DACH1: variants seen among roughly 807,000 people sequenced by gnomAD.
The protein encoded by DACH1 is dachshund family transcription factor 1.
Under a neutral mutation model 54.2 loss-of-function variants are expected in DACH1, and 12 were observed. The ratio of observed to expected loss-of-function variants is 0.22; its 90% confidence interval spans 0.14 to 0.36. DACH1 has a LOEUF of 0.36. DACH1 is among the 10% of genes least tolerant of loss of function. The probability of loss-of-function intolerance (pLI) is 1.00; values close to 1 mark genes in which losing one functional copy is unlikely to be tolerated. For missense variants in DACH1, 805 were observed against 929.8 expected (o/e 0.87, Z 1.75); for synonymous variants, 386 against 366.2 (o/e 1.05, Z -0.62).
At chr13:71,782,678 C>G (rs911238521) in intron 1 of DACH1, among the ~76,000 whole-genome samples, 2 of 151,980 alleles carry the variant, frequency 1.3e-5, no homozygotes, top group African/African-American at 4.8e-5. Context: ...TGCTTTTTCC[C>G]ATAGTGCGTA....
intron 3 of DACH1, among the ~76,000 whole-genome samples, chr13:71,588,698 G>A (rs1212418090): frequency 6.6e-6 from 1 of 151,952 alleles, no homozygotes; most frequent in Non-Finnish European, 1.5e-5. Flanking sequence ...AACAAAAAGT[G>A]AAATTACTGA....
intron 1 of DACH1, among the ~76,000 whole-genome samples, chr13:71,864,164 AGC>A (rs139243818): frequency 2.6e-4 from 29 of 112,416 alleles, no homozygotes; most frequent in East Asian, 1.4e-3. Flanking sequence ...CATACTTTTG[AGC>A]GCGCGCGCGC....
chr13:71,631,554 C>T (rs897310732), intron 2 of DACH1, among the ~76,000 whole-genome samples: 10 of 152,194 alleles, frequency 6.6e-5, no homozygotes, highest in African/African-American at 2.4e-4. Context: ...AAAGCTAACA[C>T]TTAGCTTCTA....
intron 3 of DACH1, among the ~76,000 whole-genome samples, chr13:71,594,197 T>G (rs1169233214): frequency 6.6e-6 from 1 of 151,612 alleles, no homozygotes; most frequent in Non-Finnish European, 1.5e-5. Flanking sequence ...AGTCTTGGGA[T>G]TCTATCTGTA....
intron 1 of DACH1, among the ~76,000 whole-genome samples, chr13:71,727,125 G>T (rs1302528444): frequency 6.6e-6 from 1 of 151,968 alleles, no homozygotes; most frequent in Non-Finnish European, 1.5e-5. Flanking sequence ...ACTACTCAGG[G>T]TGCCTTTGAG....
chr13:71,545,093 C>T (rs1004668490), intron 6 of DACH1, among the ~76,000 whole-genome samples: 2 of 152,018 alleles, frequency 1.3e-5, no homozygotes, highest in African/African-American at 2.4e-5. Flanking sequence ...AACAGTTTTG[C>T]TAATTTTTAT....
At chr13:71,723,510 C>G (rs1423791014) in intron 1 of DACH1, among the ~76,000 whole-genome samples, 1 of 152,116 alleles carries the variant, frequency 6.6e-6, no homozygotes, top group African/African-American at 2.4e-5. Flanking sequence ...TCAGACCGCA[C>G]AAATAAATAG....
Position 71,643,116 on chromosome 13 carries a change from T to C in DACH1, c.965-12399A>G, listed in dbSNP as rs945642549. Among the ~76,000 whole-genome samples, 145 of 152,194 alleles carry C rather than the reference T, an allele frequency of 9.5e-4. 1 individual carries two copies. Among genetic ancestry groups the C allele is most frequent in the Admixed American group, 9.5e-3 (145 of 15,288 alleles). On this transcript the variant is annotated intron_variant, in intron 2 of 10. Coordinates refer to ENST00000613252, the MANE Select transcript of DACH1 (RefSeq NM_080759.6). ...ATGAAGTTATTAAATATCATTTTGA[T>C]TTATGCAATGTTCACAGTGGCACAT...
chr13:71,474,119 T>A (rs1877314375), intron 10 of DACH1, among the ~76,000 whole-genome samples: 1 of 149,966 alleles, frequency 6.7e-6, no homozygotes, highest in Non-Finnish European at 1.5e-5. Context: ...ATTTACAAAT[T>A]AATTAGAATG....
chr13:71,701,963 C>T (rs1208070544), intron 1 of DACH1, among the ~76,000 whole-genome samples: 3 of 152,104 alleles, frequency 2.0e-5, no homozygotes. Context: ...CTCCACATGC[C>T]TGCGTGTGCA....
intron 6 of DACH1, among the ~76,000 whole-genome samples, chr13:71,514,516 T>C (rs573820026): frequency 6.6e-6 from 1 of 151,996 alleles, no homozygotes; most frequent in East Asian, 1.9e-4. Flanking sequence ...TAATTTATCT[T>C]CAAGTTCATT....
chr13:71,618,109 G>A (rs1875920457), intron 3 of DACH1, among the ~76,000 whole-genome samples: 1 of 151,938 alleles, frequency 6.6e-6, no homozygotes, highest in African/African-American at 2.4e-5. Flanking sequence ...AGGGCAAGGA[G>A]GAAATAAAAT....
chr13:71,779,131 A>ATATATACACATATATACG, intron 1 of DACH1, among the ~76,000 whole-genome samples: 1 of 143,150 alleles, frequency 7.0e-6, no homozygotes, highest in African/African-American at 2.6e-5. Context: ...ACATATATAC[A>ATATATACACATATATACG]TATATACACA....
chr13:71,552,766 C>CGT (rs1883894773), intron 6 of DACH1, among the ~76,000 whole-genome samples: 1 of 86,672 alleles, frequency 1.2e-5, no homozygotes, highest in Non-Finnish European at 2.2e-5. Context: ...AGTTTTCATG[C>CGT]ATATATATAT....
chr13:71,776,962 A>G (rs897617916), intron 1 of DACH1, among the ~76,000 whole-genome samples: 2 of 152,072 alleles, frequency 1.3e-5, no homozygotes, highest in African/African-American at 4.8e-5. Flanking sequence ...TTGACCTCCA[A>G]TGCAAACATC....
At chr13:71,592,505 AAAAAAAAAAAAAGAAAAG>A (rs1475203649) in intron 3 of DACH1, among the ~76,000 whole-genome samples, 2 of 149,696 alleles carry the variant, frequency 1.3e-5, no homozygotes, top group African/African-American at 4.9e-5. Flanking sequence ...AAAAAAAAAA[AAAAAAAAAAAAAGAAAAG>A]AAAAAAAGAA....
chr13:71,721,654 C>A (rs941065867), intron 1 of DACH1, among the ~76,000 whole-genome samples: 1 of 151,924 alleles, frequency 6.6e-6, no homozygotes, highest in Non-Finnish European at 1.5e-5. Flanking sequence ...TCATTTTCTT[C>A]TCTTTTGTTT....
intron 1 of DACH1, among the ~76,000 whole-genome samples, chr13:71,754,201 A>C (rs1885046313): frequency 1.3e-5 from 2 of 152,170 alleles, no homozygotes; most frequent in Admixed American, 6.5e-5. Flanking sequence ...AGGAATTCAC[A>C]GCTGGCTCAC....
chr13:71,588,795 T>A (rs192367702), intron 3 of DACH1, among the ~76,000 whole-genome samples: 1 of 152,120 alleles, frequency 6.6e-6, no homozygotes. Flanking sequence ...TGTGTGAAGA[T>A]AAATAAATGG....
Sources: allele counts gnomAD v4.1 joint callset (sites outside exome capture counted in the v4.1 genomes callset), GRCh38; gene constraint gnomAD v4.1.1; transcripts MANE v1.5; gene names NCBI Gene and HGNC (gene_info 2026-07-23, HGNC 2026-07-21).